The following EEF1E1 variants were observed in gnomAD, a reference collection of about 807,000 sequenced individuals.
EEF1E1 encodes the protein eukaryotic translation elongation factor 1 epsilon-1.
EEF1E1 carries 19 observed loss-of-function variants against 19.9 expected under a neutral mutation model. That is an observed-to-expected ratio of 0.95 (90% CI 0.66 to 1.40). The LOEUF (loss-of-function observed/expected upper bound fraction) is 1.40, where lower values mean the gene tolerates loss of function less well. Among genes scored for constraint, EEF1E1 ranks in the 40% most tolerant of loss-of-function variants. The pLI is 0.00. For synonymous variants in EEF1E1, 81 were observed against 80.0 expected (o/e 1.01, Z -0.07); for missense variants, 198 against 202.2 (o/e 0.98, Z 0.13).
rs1216617377 is a variant in EEF1E1, at chr6:8,101,243, AATATATATAT to A, written c.87+1182_87+1191del. 4.2e-3 allele frequency among the ~76,000 whole-genome samples: 244 copies of A among 58,276 alleles called. 14 individuals are homozygous for A. Among genetic ancestry groups the A allele is most frequent in the South Asian group, 0.01 (14 of 1,354 alleles). 38.2% of individuals were successfully genotyped at this position (58,276 alleles called of 152,430 possible). A position where few individuals can be genotyped will look rare whatever the true frequency, so the allele number is the denominator to read the frequency against. ...TTTGTCTCAAAAAAAAAAAAAAAAA[AATATATATAT>A]ATATATATATATATATATATATATA... On this transcript the variant is annotated intron_variant, in intron 1 of 3. Coordinates refer to ENST00000379715, the MANE Select transcript of EEF1E1 (RefSeq NM_004280.5).
At chr6:8,078,740 C>T (rs1316133972), downstream of EEF1E1, 199 of 1,284,296 alleles carry the variant, frequency 1.5e-4, no homozygotes, top group Non-Finnish European at 2.0e-4. Flanking sequence ...TCATGATTTG[C>T]CTGGAGAAGA....
At chr6:8,092,309 G>A (rs1758033320) in intron 2 of EEF1E1, among the ~76,000 whole-genome samples, 1 of 152,134 alleles carries the variant, frequency 6.6e-6, no homozygotes, top group Non-Finnish European at 1.5e-5. Context: ...TAGTGGTTCA[G>A]CAATCAATAA....
chr6:8,075,934 A>G (rs116038193), downstream of EEF1E1, among the ~76,000 whole-genome samples: 3 of 152,182 alleles, frequency 2.0e-5, no homozygotes, highest in South Asian at 4.1e-4. Context: ...ACTAGGAATA[A>G]AGTCCACCTT....
At chr6:8,098,844 C>T (rs961382616) in intron 1 of EEF1E1, among the ~76,000 whole-genome samples, 33 of 152,188 alleles carry the variant, frequency 2.2e-4, no homozygotes, top group African/African-American at 7.7e-4. Flanking sequence ...AACTGCTGGG[C>T]GGAGGGGACA....
At chr6:8,101,561 G>T (rs931409034) in intron 1 of EEF1E1, among the ~76,000 whole-genome samples, 4 of 151,470 alleles carry the variant, frequency 2.6e-5, no homozygotes, top group African/African-American at 9.7e-5. Flanking sequence ...TTCTAGACAA[G>T]ATCTTCACAT....
At chr6:8,092,115 T>C (rs1463547653) in intron 2 of EEF1E1, among the ~76,000 whole-genome samples, 3 of 152,166 alleles carry the variant, frequency 2.0e-5, no homozygotes, top group South Asian at 2.1e-4. Flanking sequence ...ATTCCATTCA[T>C]GAAGGCTCTG....
chr6:8,102,114 T>C (rs1161385001), intron 1 of EEF1E1: 1 of 1,273,098 alleles, frequency 7.9e-7, no homozygotes, highest in African/African-American at 1.5e-5. Flanking sequence ...AGTTACTGAA[T>C]ACATTCCAGG....
At chr6:8,078,457 CAGAG>C (rs1757650989), downstream of EEF1E1, 1 of 238,766 alleles carries the variant, frequency 4.2e-6, no homozygotes, top group Non-Finnish European at 8.1e-6. Context: ...GATCAGTTAA[CAGAG>C]AGAGTAATGA....
At chr6:8,079,266 A>C (rs949765062), downstream of EEF1E1, 1 of 372,576 alleles carries the variant, frequency 2.7e-6, no homozygotes, top group African/African-American at 2.2e-5. Flanking sequence ...TATTACAATA[A>C]GCCCAACAAC....
chr6:8,101,224 T>TGAAAAAAAA (rs1561647012), intron 1 of EEF1E1, among the ~76,000 whole-genome samples: 1 of 1,182 alleles, frequency 8.5e-4, no homozygotes, highest in African/African-American at 6.6e-3. Context: ...AGACTTTGTC[T>TGAAAAAAAA]CAAAAAAAAA....
At chr6:8,080,165 TCA>T in intron 3 of EEF1E1, 135 bp from the exon 4 acceptor site, 1 of 927,248 alleles carries the variant, frequency 1.1e-6, no homozygotes, top group South Asian at 1.6e-5. Context: ...GCCAACATAT[TCA>T]GATAGGAGTA....
In EEF1E1 at chr6:8,092,781, T is replaced by G. The variant is rs531696321; in HGVS notation, c.289-2500A>C. ...CATCTTCATTTAATTTCAAGAAGTA[T>G]TTAAAGACCTGAAACAATAACAGTT... On this transcript the variant is annotated intron_variant, in intron 2 of 3. Coordinates refer to ENST00000379715, the MANE Select transcript of EEF1E1 (RefSeq NM_004280.5). Among the ~76,000 whole-genome samples the G allele has an allele frequency of 8.6e-5, 13 of 151,132 alleles. No homozygotes were observed. The South Asian group carries it at 1.3e-3, about 15-fold the overall frequency.
intron 3 of EEF1E1, among the ~76,000 whole-genome samples, chr6:8,083,292 A>C (rs1757767286): frequency 6.6e-6 from 1 of 152,212 alleles, no homozygotes; most frequent in South Asian, 2.1e-4. Flanking sequence ...CTTTAGGGCC[A>C]GTGCTCCTGG....
At chr6:8,087,145 G>A (rs1757880778) in intron 3 of EEF1E1, among the ~76,000 whole-genome samples, 1 of 152,224 alleles carries the variant, frequency 6.6e-6, no homozygotes, top group African/African-American at 2.4e-5. Flanking sequence ...GGTAGAAACA[G>A]CCCAGCATAC....
At chr6:8,099,759 C>A (rs1000450323) in intron 1 of EEF1E1, among the ~76,000 whole-genome samples, 2 of 76,074 alleles carry the variant, frequency 2.6e-5, no homozygotes, top group South Asian at 4.7e-4. Flanking sequence ...AAAACACACA[C>A]ACACACACAC....
At chr6:8,090,417 T>TG in intron 2 of EEF1E1, 136 bp from the exon 3 acceptor site, 1 of 652,588 alleles carries the variant, frequency 1.5e-6, no homozygotes, top group Middle Eastern at 4.9e-4. Context: ...TCTTTGACAT[T>TG]AATATTCATT....
downstream of EEF1E1, among the ~76,000 whole-genome samples, chr6:8,075,426 T>C (rs983144181): frequency 1.3e-5 from 2 of 152,056 alleles, no homozygotes; most frequent in African/African-American, 4.8e-5. Flanking sequence ...CAATAAAGTA[T>C]GACAACAAAG....
chr6:8,092,281 A>G (rs1758032834), intron 2 of EEF1E1, among the ~76,000 whole-genome samples: 2 of 152,238 alleles, frequency 1.3e-5, no homozygotes, highest in African/African-American at 4.8e-5. Flanking sequence ...GCAATCAGTA[A>G]AAAATGTTTG....
At chr6:8,091,931 G>T (rs1758021479) in intron 2 of EEF1E1, among the ~76,000 whole-genome samples, 1 of 152,184 alleles carries the variant, frequency 6.6e-6, no homozygotes, top group South Asian at 2.1e-4. Flanking sequence ...CATAGACTGG[G>T]TGGCATGTAA....
Sources: gnomAD v4.1 joint callset for allele counts (sites outside exome capture counted in the v4.1 genomes callset) on GRCh38, gnomAD v4.1.1 for gene constraint, MANE v1.5 for transcripts, NCBI Gene and HGNC (gene_info 2026-07-23, HGNC 2026-07-21) for gene names.